The following CADPS variants were observed in gnomAD, a reference collection of about 807,000 sequenced individuals.
The protein encoded by CADPS is calcium dependent secretion activator, also known as calcium-dependent secretion activator 1.
CADPS carries 57 observed loss-of-function variants against 167.3 expected under a neutral mutation model. The ratio of observed to expected loss-of-function variants is 0.34; its 90% confidence interval spans 0.28 to 0.42. CADPS has a LOEUF of 0.42. CADPS is among the 20% of genes least tolerant of loss of function. CADPS has a pLI of 1.00. For synonymous variants in CADPS, 676 were observed against 635.3 expected, an observed-to-expected ratio of 1.06 and a Z score of -0.96; for missense variants, 1,414 against 1,738.1, an observed-to-expected ratio of 0.81 and a Z score of 3.32.
chr3:62,750,344 CT>C (rs1419222235), intron 3 of CADPS, among the ~76,000 whole-genome samples: 5 of 78,922 alleles, frequency 6.3e-5, no homozygotes, highest in African/African-American at 2.5e-4. Flanking sequence ...GAGTGAGACT[CT>C]TAAGCTCCAA....
At chr3:62,680,495 T>G (rs1259594379) in intron 3 of CADPS, among the ~76,000 whole-genome samples, 1 of 152,028 alleles carries the variant, frequency 6.6e-6, no homozygotes, top group Non-Finnish European at 1.5e-5. Context: ...CATCTAATCA[T>G]TTGCCAAATG....
intron 13 of CADPS, among the ~76,000 whole-genome samples, chr3:62,525,883 G>A (rs367670628): frequency 1.3e-5 from 2 of 152,114 alleles, no homozygotes; most frequent in Admixed American, 1.3e-4. Context: ...GGAGGCAAGG[G>A]CACAGTCAAT....
rs1044518770 is a variant in CADPS, at chr3:62,601,219, A to G, written c.1326-8471T>C. ...AAAGGAATATTTGCAACACATGAAT[A>G]TTATATGAAATTCAAATTTTGATGC... is the stretch of plus-strand genomic sequence containing the variant. On this transcript the variant is annotated intron_variant, in intron 6 of 29. Coordinates refer to ENST00000383710, the MANE Select transcript of CADPS (RefSeq NM_003716.4). This position sits in a 1 kb window ranked among gnomAD's most constrained non-coding sequence, Gnocchi z 4.3. 6.6e-6 allele frequency among the ~76,000 whole-genome samples: 1 copy of G among 152,184 alleles called. No homozygotes were observed. The highest frequency in any genetic ancestry group is 6.6e-5 in the Admixed American group (1 of 15,264).
At chr3:62,712,155 T>C (rs1564169438) in intron 3 of CADPS, among the ~76,000 whole-genome samples, 1 of 152,232 alleles carries the variant, frequency 6.6e-6, no homozygotes, top group African/African-American at 2.4e-5. Flanking sequence ...TTAAAAATAA[T>C]GTATATTTGT....
intron 1 of CADPS, among the ~76,000 whole-genome samples, chr3:62,805,232 G>A (rs1007113368): frequency 2.0e-5 from 3 of 152,202 alleles, no homozygotes; most frequent in African/African-American, 4.8e-5. Flanking sequence ...ACCGCTCACT[G>A]TTATTGAGAA....
In CADPS at chr3:62,818,623, C is replaced by T. The variant is rs375333438; in HGVS notation, c.442-52639G>A. Among the ~76,000 whole-genome samples, 74 of 152,282 alleles carry T rather than the reference C, an allele frequency of 4.9e-4. No individual in the cohort carries two copies. In the South Asian group the frequency reaches 0.014, roughly 29 times the overall value. ...AGCACAACCACTTTACTTTGCATAA[C>T]GGTTTGGCAGATGAGATAAACATAT... On this transcript the variant is annotated intron_variant, in intron 1 of 29. Transcript: ENST00000383710.
At chr3:62,655,339 A>C (rs943848460) in intron 4 of CADPS, among the ~76,000 whole-genome samples, 1 of 152,202 alleles carries the variant, frequency 6.6e-6, no homozygotes, top group African/African-American at 2.4e-5. Context: ...TTTTTCAAGC[A>C]CAAAAATAGA....
At chr3:62,498,389 T>A (rs549119990) in intron 18 of CADPS, among the ~76,000 whole-genome samples, 1 of 152,236 alleles carries the variant, frequency 6.6e-6, no homozygotes, top group East Asian at 1.9e-4. Context: ...AGGGGGAGAA[T>A]TATGCAATTT....
intron 1 of CADPS, chr3:62,796,081 T>A (rs769213432): frequency 3.3e-5 from 5 of 152,262 alleles, no homozygotes; most frequent in Admixed American, 2.6e-4. Flanking sequence ...ATGAAGGTTT[T>A]ATTCAGGAAA....
chr3:62,817,356 G>T (rs2094672272), intron 1 of CADPS, among the ~76,000 whole-genome samples: 2 of 152,100 alleles, frequency 1.3e-5, no homozygotes, highest in Admixed American at 1.3e-4. Context: ...AGAGGGAAGG[G>T]TCTCTGCATG....
intron 6 of CADPS, among the ~76,000 whole-genome samples, chr3:62,641,095 A>C (rs2067316842): frequency 6.6e-6 from 1 of 152,166 alleles, no homozygotes; most frequent in Non-Finnish European, 1.5e-5. Flanking sequence ...TCACTTTTTA[A>C]ATGTTAATGT....
At chr3:62,559,113 C>T (rs146300586) in intron 9 of CADPS, among the ~76,000 whole-genome samples, 3 of 152,286 alleles carry the variant, frequency 2.0e-5, no homozygotes, top group African/African-American at 4.8e-5. Flanking sequence ...ATAGAGCGAA[C>T]ACTTCATATA....
intron 29 of CADPS, among the ~76,000 whole-genome samples, chr3:62,400,641 C>T (rs1490723059): frequency 7.1e-6 from 1 of 141,270 alleles, no homozygotes; most frequent in East Asian, 2.1e-4. Flanking sequence ...GCTCTGTCAC[C>T]CAGGCTGGAG....
intron 1 of CADPS, among the ~76,000 whole-genome samples, chr3:62,820,795 G>GTT (rs5849504): frequency 0.04 from 5,565 of 137,914 alleles, 296 homozygotes; most frequent in African/African-American, 0.098. Context: ...CTTTTTTTTG[G>GTT]TTTTTTTTTT....
chr3:62,608,335 C>T (rs1259325017), intron 6 of CADPS, among the ~76,000 whole-genome samples: 8 of 150,964 alleles, frequency 5.3e-5, no homozygotes, highest in Non-Finnish European at 8.8e-5. Context: ...CATATTGGAG[C>T]ATATTGGCAC....
chr3:62,672,239 C>A (rs1429418088), intron 3 of CADPS, among the ~76,000 whole-genome samples: 1 of 152,142 alleles, frequency 6.6e-6, no homozygotes, highest in Non-Finnish European at 1.5e-5. Context: ...TTTGATTCAG[C>A]AGGCTTGAGG....
At chr3:62,686,246 C>T (rs9311847) in intron 3 of CADPS, among the ~76,000 whole-genome samples, 75,679 of 151,810 alleles carry the variant, frequency 0.5, 19,707 homozygotes, top group African/African-American at 0.6. Flanking sequence ...AGAACATTTT[C>T]GTTTTCTCTA....
Position 62,458,655 on chromosome 3 carries a change from A to C in CADPS, c.3636+6712T>G, listed in dbSNP as rs1022572726. ...AGGCACCTGCCACCATGCCTGGCTA[A>C]TTTTTGTATTTTTAGTAGAGATGGA... is the stretch of plus-strand genomic sequence containing the variant. On this transcript the variant is annotated intron_variant, in intron 26 of 29. Coordinates refer to ENST00000383710, the MANE Select transcript of CADPS (RefSeq NM_003716.4). This position sits in a 1 kb window ranked among gnomAD's most constrained non-coding sequence, Gnocchi z 4.6. Among the ~76,000 whole-genome samples the C allele has an allele frequency of 5.9e-5, 9 of 152,004 alleles. No individual in the cohort carries two copies. Among genetic ancestry groups the C allele is most frequent in the Non-Finnish European group, 1.0e-4 (7 of 67,996 alleles).
At chr3:62,794,302 G>A (rs2093207445) in intron 1 of CADPS, among the ~76,000 whole-genome samples, 1 of 152,128 alleles carries the variant, frequency 6.6e-6, no homozygotes, top group Non-Finnish European at 1.5e-5. Context: ...AGTAGTGATG[G>A]AAGCTTGTAT....
Sources: gnomAD v4.1 joint callset for allele counts (sites outside exome capture counted in the v4.1 genomes callset) on GRCh38, gnomAD v4.1.1 for gene constraint, Gnocchi (gnomAD v3.1) non-coding constraint, MANE v1.5 for transcripts, NCBI Gene and HGNC (gene_info 2026-07-23, HGNC 2026-07-21) for gene names.